The following NKAIN2 variants were observed in gnomAD, a reference collection of about 807,000 sequenced individuals.
NKAIN2 encodes the protein sodium/potassium-transporting ATPase subunit beta-1-interacting protein 2.
A neutral mutation model predicts 32.6 loss-of-function variants in NKAIN2; 14 were observed. The ratio of observed to expected loss-of-function variants is 0.43; its 90% confidence interval spans 0.28 to 0.67. The LOEUF is 0.67. Among genes scored for constraint, NKAIN2 ranks in the 30% least tolerant of loss-of-function variants. The pLI, the probability that NKAIN2 is intolerant of heterozygous loss-of-function variation, is 0.17. For synonymous variants in NKAIN2, 80 were observed against 87.2 expected, an observed-to-expected ratio of 0.92 and a Z score of 0.46; for missense variants, 198 against 258.3, an observed-to-expected ratio of 0.77 and a Z score of 1.60.
chr6:123,804,204 G>A lies in NKAIN2; in HGVS notation c.4G>A (p.Gly2Ser). ...TGTGGCAGGGGTCTCGGAAACCATG[G>A]GTTATTGCAGTGGCAGGTGCACGCT... M[G>S]YCSGRCTLIF... is the part of the protein sequence containing the mutation. The change falls in exon 1 of 7, where the codon GGT becomes AGT. Residue 2 changes from glycine (G) to serine (S), a missense_variant. Coordinates refer to ENST00000368417, the MANE Select transcript of NKAIN2 (RefSeq NM_001040214.3). 6.2e-7 allele frequency: 1 copy of A among 1,613,970 alleles called. No homozygotes were observed. The highest frequency in any genetic ancestry group is 8.5e-7 in the Non-Finnish European group (1 of 1,179,890).
chr6:124,627,509 G>GTGTTCTCTCATTCTATGTAAGAA (rs1783400960), intron 3 of NKAIN2, among the ~76,000 whole-genome samples: 1 of 152,162 alleles, frequency 6.6e-6, no homozygotes, highest in Non-Finnish European at 1.5e-5. Flanking sequence ...TTCAGCTTCA[G>GTGTTCTCTCATTCTATGTAAGAA]TGTTCTCTCA....
intron 3 of NKAIN2, among the ~76,000 whole-genome samples, chr6:124,656,750 A>G (rs1206419096): frequency 6.6e-6 from 1 of 152,160 alleles, no homozygotes; most frequent in African/African-American, 2.4e-5. Flanking sequence ...AAGAAAACCC[A>G]CGTTAGCTCT....
chr6:124,271,516 T>G (rs1794787644), intron 1 of NKAIN2, among the ~76,000 whole-genome samples: 1 of 152,302 alleles, frequency 6.6e-6, no homozygotes, highest in Admixed American at 6.5e-5. Context: ...ATACCCGGCC[T>G]AAACCTCCTT....
chr6:124,216,463 C>T (rs1471693270), intron 1 of NKAIN2, among the ~76,000 whole-genome samples: 3 of 152,228 alleles, frequency 2.0e-5, no homozygotes, highest in Non-Finnish European at 4.4e-5. Flanking sequence ...AGATACTCAA[C>T]ACGCATATGC....
At chr6:124,034,531 A>G (rs932599478) in intron 1 of NKAIN2, among the ~76,000 whole-genome samples, 2 of 152,106 alleles carry the variant, frequency 1.3e-5, no homozygotes, top group African/African-American at 4.8e-5. Context: ...TAATGGGCAC[A>G]TAGGTTGATT....
chr6:123,888,599 C>T (rs1441396145), intron 1 of NKAIN2, among the ~76,000 whole-genome samples: 1 of 152,034 alleles, frequency 6.6e-6, no homozygotes, highest in Admixed American at 6.6e-5. Context: ...CAAACAATAT[C>T]AAATCAATAT....
At chr6:123,990,437 G>C (rs1779365484) in intron 1 of NKAIN2, among the ~76,000 whole-genome samples, 1 of 152,142 alleles carries the variant, frequency 6.6e-6, no homozygotes, top group Non-Finnish European at 1.5e-5. Flanking sequence ...ACCTCAAAAT[G>C]TTTTAGAGGT....
chr6:124,653,703 A>G (rs1784444743), intron 3 of NKAIN2, among the ~76,000 whole-genome samples: 2 of 152,152 alleles, frequency 1.3e-5, no homozygotes, highest in Admixed American at 6.6e-5. Flanking sequence ...GTATTATCAA[A>G]AGAATGAAAA....
chr6:124,596,041 TCTC>T (rs1000141430), intron 3 of NKAIN2, among the ~76,000 whole-genome samples: 2 of 152,038 alleles, frequency 1.3e-5, no homozygotes, highest in African/African-American at 4.8e-5. Flanking sequence ...GACTGGATGT[TCTC>T]CTTGAAGAGA....
rs1783470539 is a variant in NKAIN2 at position 124,071,577 on chromosome 6, TC to T, written c.55-211427del. Among the ~76,000 whole-genome samples the T allele has an allele frequency of 2.0e-5, 3 of 152,068 alleles. No individual in the cohort carries two copies. In the South Asian group the frequency reaches 6.2e-4, roughly 32 times the overall value. On this transcript the variant is annotated intron_variant, in intron 1 of 6. Coordinates refer to ENST00000368417, the MANE Select transcript of NKAIN2 (RefSeq NM_001040214.3). ...GAGAAAATATTCACAAACTATGCAC[TC>T]AACAAAGATCTAATATCCAGAATCT...
intron 1 of NKAIN2, among the ~76,000 whole-genome samples, chr6:123,851,756 A>G (rs1015075421): frequency 2.0e-5 from 3 of 152,154 alleles, no homozygotes; most frequent in Admixed American, 1.3e-4. Flanking sequence ...CTTTTGCGAA[A>G]TGTCTATTCA....
At chr6:124,229,525 T>TAGATAGAC (rs1792324868) in intron 1 of NKAIN2, among the ~76,000 whole-genome samples, 1 of 148,650 alleles carries the variant, frequency 6.7e-6, no homozygotes, top group Non-Finnish European at 1.5e-5. Flanking sequence ...GATAGATAGA[T>TAGATAGAC]AGATAGATAG....
chr6:124,610,587 TATC>T (rs1302195347), intron 3 of NKAIN2, among the ~76,000 whole-genome samples: 1 of 152,204 alleles, frequency 6.6e-6, no homozygotes, highest in Non-Finnish European at 1.5e-5. Context: ...AATACAGAAT[TATC>T]ATACACTTTG....
intron 1 of NKAIN2, among the ~76,000 whole-genome samples, chr6:123,899,379 T>C (rs1774447158): frequency 6.6e-6 from 1 of 152,118 alleles, no homozygotes; most frequent in Non-Finnish European, 1.5e-5. Context: ...TTATCTCCTG[T>C]CTCCCTTCTC....
intron 4 of NKAIN2, among the ~76,000 whole-genome samples, chr6:124,759,514 ACTTT>A (rs1480947565): frequency 1.3e-5 from 2 of 148,394 alleles, no homozygotes; most frequent in East Asian, 2.0e-4. Flanking sequence ...TTCTCTCCTC[ACTTT>A]CTTTCGGTTT....
intron 1 of NKAIN2, among the ~76,000 whole-genome samples, chr6:124,056,394 A>G (rs1344381330): frequency 6.6e-6 from 1 of 151,824 alleles, no homozygotes; most frequent in Non-Finnish European, 1.5e-5. Context: ...TATTCTTGTC[A>G]CAAAAAAAAC....
chr6:123,869,441 C>T (rs1435004833), intron 1 of NKAIN2, among the ~76,000 whole-genome samples: 3 of 152,186 alleles, frequency 2.0e-5, no homozygotes, highest in Non-Finnish European at 2.9e-5. Context: ...GCCCATGCAA[C>T]TGTGAATTGA....
chr6:124,287,659 A>T (rs915568088), intron 2 of NKAIN2, among the ~76,000 whole-genome samples: 3 of 152,192 alleles, frequency 2.0e-5, no homozygotes, highest in African/African-American at 7.2e-5. Flanking sequence ...CCAGAAAATA[A>T]TTCATAAATA....
intron 4 of NKAIN2, among the ~76,000 whole-genome samples, chr6:124,739,519 T>C (rs570069454): frequency 6.6e-6 from 1 of 151,994 alleles, no homozygotes; most frequent in South Asian, 2.1e-4. Flanking sequence ...TTCCACAGTG[T>C]GATCATCAAG....
Sources: gnomAD v4.1 joint callset for allele counts (sites outside exome capture counted in the v4.1 genomes callset) on GRCh38, gnomAD v4.1.1 for gene constraint, MANE v1.5 for transcripts, NCBI Gene and HGNC (gene_info 2026-07-23, HGNC 2026-07-21) for gene names.